The following XKR6 variants were observed in gnomAD, a reference collection of about 807,000 sequenced individuals.
The protein encoded by XKR6 is XK-related protein 6.
XKR6 carries 22 observed loss-of-function variants against 56.7 expected under a neutral mutation model. The observed-to-expected ratio is 0.39, with a 90% CI of 0.28 to 0.55. The LOEUF (loss-of-function observed/expected upper bound fraction) is 0.55, where lower values mean the gene tolerates loss of function less well. Ranked by LOEUF, XKR6 falls within the 20% of genes least tolerant of loss-of-function variation. The probability of loss-of-function intolerance (pLI) is 0.66; values close to 1 mark genes in which losing one functional copy is unlikely to be tolerated. For synonymous variants in XKR6, 524 were observed against 387.8 expected (o/e 1.35, Z -4.13); for missense variants, 852 against 889.0 (o/e 0.96, Z 0.53).
chr8:10,918,943 G>T (rs1384666478), intron 2 of XKR6, among the ~76,000 whole-genome samples: 8 of 152,170 alleles, frequency 5.3e-5, no homozygotes, highest in Admixed American at 4.6e-4. Flanking sequence ...CCTCCAACAG[G>T]TGCTCCTAGC....
chr8:11,125,976 A>G (rs1418732122), intron 1 of XKR6: 1 of 152,172 alleles, frequency 6.6e-6, no homozygotes, highest in Admixed American at 6.5e-5. Context: ...TGGAAACTCT[A>G]AATCTCTTTG....
chr8:10,976,958 T>C (rs1030829571), intron 1 of XKR6, among the ~76,000 whole-genome samples: 10 of 152,038 alleles, frequency 6.6e-5, no homozygotes, highest in Admixed American at 5.9e-4. Context: ...GTGCATGCCA[T>C]GGATGCAGGT....
chr8:10,929,171 G>T (rs1404466443), intron 1 of XKR6, among the ~76,000 whole-genome samples: 1 of 152,188 alleles, frequency 6.6e-6, no homozygotes, highest in South Asian at 2.1e-4. Flanking sequence ...GAGCACAAAG[G>T]ATGGCCTAGC....
At chr8:10,915,396 C>T (rs1379159604) in intron 2 of XKR6, among the ~76,000 whole-genome samples, 3 of 152,256 alleles carry the variant, frequency 2.0e-5, no homozygotes, top group African/African-American at 7.2e-5. Flanking sequence ...GAAGCCTGCG[C>T]TCATGTCTCT....
intron 1 of XKR6, among the ~76,000 whole-genome samples, chr8:11,092,063 G>A (rs1022951680): frequency 5.9e-5 from 9 of 152,210 alleles, no homozygotes; most frequent in African/African-American, 1.9e-4. Flanking sequence ...CCATTCTGCA[G>A]TTAAGCATAC....
At chr8:11,144,247 T>TGTGA in intron 1 of XKR6, among the ~76,000 whole-genome samples, 1 of 151,306 alleles carries the variant, frequency 6.6e-6, no homozygotes, top group South Asian at 2.1e-4. Context: ...TGTGTGTGTG[T>TGTGA]GTGTGTGTAT....
At chr8:10,958,354 G>A (rs1801961070) in intron 1 of XKR6, among the ~76,000 whole-genome samples, 1 of 152,192 alleles carries the variant, frequency 6.6e-6, no homozygotes, top group Non-Finnish European at 1.5e-5. Flanking sequence ...ATGCGATTAT[G>A]GGATTAGAAT....
intron 1 of XKR6, among the ~76,000 whole-genome samples, chr8:11,070,968 C>A (rs966613452): frequency 2.0e-5 from 3 of 152,184 alleles, no homozygotes; most frequent in Non-Finnish European, 4.4e-5. Flanking sequence ...ATCACTGGGG[C>A]GCTATCCCAA....
intron 1 of XKR6, chr8:11,194,533 G>C (rs1320152495): frequency 1.3e-5 from 2 of 152,196 alleles, no homozygotes; most frequent in African/African-American, 2.4e-5. Context: ...GAAGAAACTA[G>C]ATGAATAGCA....
chr8:10,924,561 T>C, intron 2 of XKR6, 73 bp downstream of exon 2: 2 of 1,526,278 alleles, frequency 1.3e-6, no homozygotes, highest in East Asian at 2.3e-5. Flanking sequence ...AGGCACGAAG[T>C]GTGTGGGAGG....
rs7837525 is a variant in XKR6, at chr8:11,166,612, G to T, written c.764+33964C>A. 7.2e-3 allele frequency among the ~76,000 whole-genome samples: 1,094 copies of T among 151,638 alleles called. 14 individuals carry two copies. Among genetic ancestry groups the T allele is most frequent in the African/African-American group, 0.022 (921 of 41,284 alleles). ...TTTGAGATGGAGTTTCACTCTTGTC[G>T]CTCAGGCTGGAGTGCCATGGCGTGA... On this transcript the variant is annotated intron_variant, in intron 1 of 2. Transcript: ENST00000416569.
intron 1 of XKR6, among the ~76,000 whole-genome samples, chr8:10,937,873 C>G (rs573530962): frequency 1.3e-5 from 2 of 152,186 alleles, no homozygotes; most frequent in East Asian, 3.9e-4. Flanking sequence ...TGCCCTGCCC[C>G]CAGAGGTGGA....
At chr8:11,089,702 C>A (rs528172007) in intron 1 of XKR6, among the ~76,000 whole-genome samples, 1 of 152,188 alleles carries the variant, frequency 6.6e-6, no homozygotes, top group Non-Finnish European at 1.5e-5. Flanking sequence ...ACAAGGAGCA[C>A]ATGTACACCC....
At chr8:11,192,750 C>T (rs1803648621) in intron 1 of XKR6, among the ~76,000 whole-genome samples, 1 of 152,182 alleles carries the variant, frequency 6.6e-6, no homozygotes. Flanking sequence ...CTCCCTGAGG[C>T]TCTGATCCTG....
At chr8:10,916,754 A>C (rs1800575673) in intron 2 of XKR6, among the ~76,000 whole-genome samples, 1 of 152,236 alleles carries the variant, frequency 6.6e-6, no homozygotes, top group Non-Finnish European at 1.5e-5. Context: ...AGCCAAAAAG[A>C]AAGGCACAGA....
intron 1 of XKR6, among the ~76,000 whole-genome samples, chr8:11,103,558 G>A (rs905653977): frequency 2.6e-5 from 4 of 152,210 alleles, no homozygotes; most frequent in Non-Finnish European, 5.9e-5. Context: ...AATCCATTCT[G>A]TGATGTGGGT....
intron 1 of XKR6, among the ~76,000 whole-genome samples, chr8:10,988,659 T>C (rs144780730): frequency 1.2e-4 from 19 of 152,292 alleles, no homozygotes; most frequent in Non-Finnish European, 2.1e-4. Flanking sequence ...GTCTGGGACA[T>C]GTCACCTGCT....
In XKR6 at chr8:11,039,643, C is replaced by T. The variant is rs187214845; in HGVS notation, c.765-114813G>A. Among the ~76,000 whole-genome samples the T allele has an allele frequency of 5.9e-5, 9 of 152,332 alleles. No homozygotes were observed. In the East Asian group the frequency reaches 1.2e-3, roughly 20 times the overall value. ...TCTGGTGCGAGAGGGGAGAGCCCGGCGGTAACAGTTCCAGCCTGGTGGCCC... is the reference window on the plus strand; with the variant it reads ...TCTGGTGCGAGAGGGGAGAGCCCGGTGGTAACAGTTCCAGCCTGGTGGCCC... On this transcript the variant is annotated intron_variant, in intron 1 of 2. Transcript: ENST00000416569.
At chr8:11,119,567 C>T (rs1799346398) in intron 1 of XKR6, among the ~76,000 whole-genome samples, 2 of 152,152 alleles carry the variant, frequency 1.3e-5, no homozygotes, top group Admixed American at 1.3e-4. Context: ...TATGTAATGG[C>T]CTTGTCTCTT....
Sources: gnomAD v4.1 joint callset for allele counts (sites outside exome capture counted in the v4.1 genomes callset) on GRCh38, gnomAD v4.1.1 for gene constraint, MANE v1.5 for transcripts, NCBI Gene and HGNC (gene_info 2026-07-23, HGNC 2026-07-21) for gene names.